The following STXBP4 variants were observed in gnomAD, a reference collection of about 807,000 sequenced individuals.
STXBP4 encodes syntaxin binding protein 4.
In STXBP4, 55 loss-of-function variants were observed where a neutral mutation model predicts 76.1. That is an observed-to-expected ratio of 0.72 (90% CI 0.58 to 0.91). The LOEUF (loss-of-function observed/expected upper bound fraction) is 0.91. Among genes scored for constraint, STXBP4 ranks in the 40% least tolerant of loss-of-function variants. STXBP4 has a pLI of 0.00. For missense variants in STXBP4, 618 were observed against 636.9 expected (o/e 0.97, Z 0.32); for synonymous variants, 201 against 220.2 (o/e 0.91, Z 0.77).
At chr17:55,032,252 A>T (rs1204263845) in intron 9 of STXBP4, among the ~76,000 whole-genome samples, 1 of 152,190 alleles carries the variant, frequency 6.6e-6, no homozygotes, top group East Asian at 1.9e-4. Context: ...TGCTGAAAAA[A>T]AATTGACCTT....
At chr17:55,187,429 TA>T in the STXBP4 span, among the ~76,000 whole-genome samples, 209 of 143,218 alleles carry the variant, frequency 1.5e-3, no homozygotes, top group African/African-American at 2.9e-3. Context: ...GCTTATGATT[TA>T]AAAAAAAAAA....
chr17:55,004,150 T>C (rs1320946551), intron 7 of STXBP4, among the ~76,000 whole-genome samples: 1 of 151,088 alleles, frequency 6.6e-6, no homozygotes, highest in Non-Finnish European at 1.5e-5. Flanking sequence ...GCCACTGCAC[T>C]CCAGCCTGGG....
chr17:55,051,532 G>T (rs2078858915), intron 12 of STXBP4, among the ~76,000 whole-genome samples: 1 of 152,112 alleles, frequency 6.6e-6, no homozygotes, highest in Non-Finnish European at 1.5e-5. Flanking sequence ...GAGCAAATGT[G>T]TTCATTGTTG....
intron 16 of STXBP4, among the ~76,000 whole-genome samples, chr17:55,093,218 A>G (rs935753806): frequency 6.6e-6 from 1 of 152,012 alleles, no homozygotes; most frequent in Non-Finnish European, 1.5e-5. Context: ...GGTCTTGAAC[A>G]CACACAAGTG....
Position 55,173,178 on chromosome 17 carries a change from A to G in STXBP4, c.*13267A>G, listed in dbSNP as rs2080415818. 1 of 152,172 alleles carries G rather than the reference A, an allele frequency of 6.6e-6. No homozygotes were observed. Among genetic ancestry groups the G allele is most frequent in the South Asian group, 2.1e-4 (1 of 4,838 alleles). The allele number at this position is 152,172 out of a possible 1,614,324, so 9.4% of individuals were successfully genotyped here. ...CATTGAGTTGTTATAGTTAAAGTTT[A>G]TTATTTTTTAATGCAGAAAAAAGTG... On this transcript the variant is annotated 3_prime_UTR_variant, in exon 18 of 18. Coordinates refer to ENST00000376352, the MANE Select transcript of STXBP4 (RefSeq NM_178509.6).
intron 16 of STXBP4, among the ~76,000 whole-genome samples, chr17:55,097,368 A>C (rs1001300139): frequency 6.6e-6 from 1 of 152,198 alleles, no homozygotes; most frequent in Non-Finnish European, 1.5e-5. Flanking sequence ...ATTTGTAAAA[A>C]ATTGCCTGTA....
chr17:55,189,259 G>A, the STXBP4 span, among the ~76,000 whole-genome samples: 16 of 152,144 alleles, frequency 1.1e-4, no homozygotes, highest in African/African-American at 3.9e-4. Flanking sequence ...ATATTTTTTA[G>A]TAATGGTTAT....
chr17:55,111,446 G>A (rs1407025591), intron 16 of STXBP4, among the ~76,000 whole-genome samples: 1 of 152,196 alleles, frequency 6.6e-6, no homozygotes, highest in Non-Finnish European at 1.5e-5. Flanking sequence ...CAGATCTCAT[G>A]TTGAAATGTA....
chr17:55,063,011 T>G (rs1407175848), intron 12 of STXBP4, among the ~76,000 whole-genome samples: 2 of 152,188 alleles, frequency 1.3e-5, no homozygotes. Flanking sequence ...TTTTTTTACA[T>G]TAATTCCTTT....
chr17:55,197,352 G>A, the STXBP4 span, among the ~76,000 whole-genome samples: 1 of 152,230 alleles, frequency 6.6e-6, no homozygotes, highest in Non-Finnish European at 1.5e-5. Context: ...TGGAATGGGA[G>A]GGAAGGCAGG....
chr17:55,210,038 G>A, the STXBP4 span, among the ~76,000 whole-genome samples: 1 of 152,206 alleles, frequency 6.6e-6, no homozygotes, highest in Non-Finnish European at 1.5e-5. Flanking sequence ...ATGCAGGCAT[G>A]TTCATGTCTG....
In STXBP4 at chr17:55,073,087, C is replaced by G. The variant is rs1248786298; in HGVS notation, c.1188+11C>G. 6.2e-7 allele frequency: 1 copy of G among 1,611,360 alleles called. No individual in the cohort carries two copies. Among genetic ancestry groups the G allele is most frequent in the African/African-American group, 1.3e-5 (1 of 74,804 alleles). On this transcript the variant is annotated intron_variant, in intron 13 of 17. Transcript: ENST00000376352. ...TCTGACCAAAATAAAGTAAGCAAAGCAGTCATCTCTTCCAGTTACCATGGT... is the reference window on the plus strand; with the variant it reads ...TCTGACCAAAATAAAGTAAGCAAAGGAGTCATCTCTTCCAGTTACCATGGT...
At chr17:55,035,853 G>A (rs954856092) in intron 10 of STXBP4, among the ~76,000 whole-genome samples, 7 of 151,554 alleles carry the variant, frequency 4.6e-5, no homozygotes, top group African/African-American at 7.3e-5. Context: ...AGATGTTCTC[G>A]TATCTTATTT....
intron 16 of STXBP4, among the ~76,000 whole-genome samples, chr17:55,120,902 A>G (rs1006664444): frequency 1.3e-5 from 2 of 152,070 alleles, no homozygotes; most frequent in Non-Finnish European, 1.5e-5. Flanking sequence ...AGGAGGCACT[A>G]TGTTCTAGCC....
Position 55,163,589 on chromosome 17 carries a change from G to C in STXBP4, c.*3678G>C, listed in dbSNP as rs997348762. 1.1e-4 allele frequency: 17 copies of C among 152,112 alleles called. No homozygotes were observed. Among genetic ancestry groups the C allele is most frequent in the African/African-American group, 4.1e-4 (17 of 41,410 alleles). The allele number at this position is 152,112 out of a possible 1,614,324, so 9.4% of individuals were successfully genotyped here. ...CAGTTCAACTCAGCAAACACTTCCT[G>C]AGCACCTGCTACATGCCAGGCAAAA... On this transcript the variant is annotated 3_prime_UTR_variant, in exon 18 of 18. Coordinates refer to ENST00000376352, the MANE Select transcript of STXBP4 (RefSeq NM_178509.6).
intron 12 of STXBP4, among the ~76,000 whole-genome samples, chr17:55,066,175 G>C (rs1567745650): frequency 6.6e-6 from 1 of 151,782 alleles, no homozygotes; most frequent in Non-Finnish European, 1.5e-5. Context: ...TATTTCTCAT[G>C]ATGGAAAATT....
At chr17:54,982,069 G>C (rs577802119) in intron 1 of STXBP4, among the ~76,000 whole-genome samples, 2 of 152,272 alleles carry the variant, frequency 1.3e-5, no homozygotes, top group African/African-American at 4.8e-5. Flanking sequence ...TAGTAAATTA[G>C]TACAACCCTG....
At chr17:55,088,109 C>G (rs2079362278) in intron 16 of STXBP4, among the ~76,000 whole-genome samples, 1 of 152,158 alleles carries the variant, frequency 6.6e-6, no homozygotes, top group African/African-American at 2.4e-5. Context: ...CATAGCTTTT[C>G]AAGTTTAATA....
chr17:55,147,240 A>T (rs1389243781), intron 17 of STXBP4, among the ~76,000 whole-genome samples: 1 of 152,136 alleles, frequency 6.6e-6, no homozygotes, highest in African/African-American at 2.4e-5. Flanking sequence ...GGGTAGGGGG[A>T]CGGTTTCAGG....
Sources: gnomAD v4.1 joint callset for allele counts (sites outside exome capture counted in the v4.1 genomes callset) on GRCh38, gnomAD v4.1.1 for gene constraint, MANE v1.5 for transcripts, NCBI Gene and HGNC (gene_info 2026-07-23, HGNC 2026-07-21) for gene names.